The following FBXO15 variants were observed in gnomAD, a reference collection of about 807,000 sequenced individuals.
FBXO15 encodes the protein F-box protein 15.
A neutral mutation model predicts 49.5 loss-of-function variants in FBXO15; 30 were observed. The observed-to-expected ratio is 0.61, with a 90% CI of 0.45 to 0.82. The LOEUF is 0.82. Among genes scored for constraint, FBXO15 ranks in the 40% least tolerant of loss-of-function variants. The pLI is 0.00. For missense variants in FBXO15, 591 were observed against 631.5 expected (o/e 0.94, Z 0.69); for synonymous variants, 250 against 232.7 (o/e 1.07, Z -0.68).
At position 74,147,727 on chromosome 18, in the gene FBXO15, C is replaced by G. The variant is rs1979543267; in HGVS notation, c.59G>C (p.Arg20Pro). The G allele has an allele frequency of 6.5e-7, 1 of 1,535,164 alleles. No individual in the cohort carries two copies. The highest frequency in any genetic ancestry group is 2.5e-5 in the East Asian group (1 of 39,884). Residue 20 changes from arginine to proline, a missense_variant, in exon 1 of 10, where the codon CGC becomes CCC. By Grantham distance (103) the Arg-to-Pro change is moderately radical. Transcript: ENST00000419743. Reference sequence around the variant, plus strand: ...CGCGCCACCGCCCCTGCTGGGCCCGCGCAGCGTCTGGAGGCCGAGCCAGTG... The same window carrying G: ...CGCGCCACCGCCCCTGCTGGGCCCGGGCAGCGTCTGGAGGCCGAGCCAGTG... ...QQHWLGLQTLRGPSRGGGAAR... is the reference protein window; with the variant it reads ...QQHWLGLQTLPGPSRGGGAAR...
intron 8 of FBXO15, among the ~76,000 whole-genome samples, chr18:74,104,864 C>T (rs1373195358): frequency 6.6e-6 from 1 of 152,096 alleles, no homozygotes; most frequent in Non-Finnish European, 1.5e-5. Context: ...TGCACCATCC[C>T]ATGTCTACTG....
At chr18:74,114,500 T>C (rs1914148907) in intron 8 of FBXO15, among the ~76,000 whole-genome samples, 1 of 148,266 alleles carries the variant, frequency 6.7e-6, no homozygotes, top group African/African-American at 2.4e-5. Context: ...TGTCATCTAT[T>C]TACATTTCCA....
chr18:74,121,447 CAT>C (rs2145185302), intron 8 of FBXO15, among the ~76,000 whole-genome samples: 1 of 152,254 alleles, frequency 6.6e-6, no homozygotes, highest in African/African-American at 2.4e-5. Flanking sequence ...TCCTCAAAGA[CAT>C]AAAAGTATTT....
chr18:74,145,770 T>C (rs772523347), intron 1 of FBXO15, among the ~76,000 whole-genome samples: 7 of 152,010 alleles, frequency 4.6e-5, no homozygotes, highest in Admixed American at 6.5e-5. Flanking sequence ...GCTAATTTTT[T>C]TGTATTTTTA....
At chr18:74,140,030 T>C (rs975954712) in intron 2 of FBXO15, among the ~76,000 whole-genome samples, 172 bp downstream of exon 2, 3 of 152,236 alleles carry the variant, frequency 2.0e-5, no homozygotes, top group Non-Finnish European at 4.4e-5. Context: ...CTCATAAGGA[T>C]AGTGGTGACA....
In FBXO15 at chr18:74,080,125, T is replaced by TA. The variant is rs201061361; in HGVS notation, c.1263+1801dup. On this transcript the variant is annotated intron_variant, in intron 9 of 9. Coordinates refer to ENST00000419743, the MANE Select transcript of FBXO15 (RefSeq NM_001142958.2). ...ACTTTCTAAGCTTATGTCCATGCTT[T>TA]AAAAAAAAAGTTTTTAACTCCTTCC... is the stretch of plus-strand genomic sequence containing the variant. Among the ~76,000 whole-genome samples the TA allele has an allele frequency of 4.2e-4, 64 of 151,780 alleles. 1 individual carries two copies. The East Asian group carries it at 9.1e-3, about 22-fold the overall frequency.
intron 8 of FBXO15, among the ~76,000 whole-genome samples, chr18:74,102,968 G>C (rs1211490254): frequency 5.9e-5 from 9 of 152,078 alleles, no homozygotes. Flanking sequence ...GGTGGGAAGT[G>C]GGTGAGGGAT....
chr18:74,087,803 A>G (rs1175697698), intron 8 of FBXO15, among the ~76,000 whole-genome samples: 1 of 152,174 alleles, frequency 6.6e-6, no homozygotes, highest in African/African-American at 2.4e-5. Flanking sequence ...GCTTTCCACA[A>G]TGGCTGAACT....
Position 74,130,535 on chromosome 18 carries a change from AC to A in FBXO15, c.455del (p.Gly152ValfsTer12). 6.2e-7 allele frequency: 1 copy of A among 1,614,134 alleles called. No homozygotes were observed. Among genetic ancestry groups the A allele is most frequent in the South Asian group, 1.1e-5 (1 of 91,074 alleles). ...SFLSVQDKEA[G>X]YWKKEYITKQ... Reference sequence around the variant, plus strand: ...TTGTGATATATTCTTTCTTCCAATAACCAGCTTCTTTATCCTGAACTGACAG... The same window carrying A: ...TTGTGATATATTCTTTCTTCCAATAACAGCTTCTTTATCCTGAACTGACAG... On this transcript the variant is annotated frameshift_variant, in exon 4 of 10. Transcript: ENST00000419743. LOFTEE classifies it high-confidence loss of function.
rs1184829188 is a variant in FBXO15 at position 74,073,440 on chromosome 18, A to G, written c.*21T>C. ...GTCAAAAATAAACAACTAAATAACA[A>G]CAATAATTTGCCACCTACTGCTAAT... is the stretch of plus-strand genomic sequence containing the variant. On this transcript the variant is annotated 3_prime_UTR_variant, in exon 10 of 10. Coordinates refer to ENST00000419743, the MANE Select transcript of FBXO15 (RefSeq NM_001142958.2). 1.2e-6 allele frequency: 2 copies of G among 1,601,102 alleles called. No homozygotes were observed. The highest frequency in any genetic ancestry group is 1.7e-6 in the Non-Finnish European group (2 of 1,173,658).
rs140051615 is a variant in FBXO15 at position 74,093,030 on chromosome 18, C to G, written c.1139-10979G>C. 2.4e-3 allele frequency among the ~76,000 whole-genome samples: 361 copies of G among 152,280 alleles called. 2 individuals are homozygous for G. The highest frequency in any genetic ancestry group is 6.8e-3 in the Middle Eastern group (2 of 292). ...GGGCAGGGTGCTGGCAGGCGCAGAG[C>G]TGGCAACCTCCATGCATGTGTTCAT... On this transcript the variant is annotated intron_variant, in intron 8 of 9. Coordinates refer to ENST00000419743, the MANE Select transcript of FBXO15 (RefSeq NM_001142958.2).
intron 8 of FBXO15, among the ~76,000 whole-genome samples, chr18:74,087,709 T>C (rs187499654): frequency 5.3e-5 from 8 of 152,342 alleles, no homozygotes; most frequent in Admixed American, 2.6e-4. Flanking sequence ...GAATAACTTA[T>C]AGTCCTTTGG....
intron 1 of FBXO15, among the ~76,000 whole-genome samples, chr18:74,144,495 A>G (rs1210736719): frequency 6.6e-6 from 1 of 152,190 alleles, no homozygotes; most frequent in South Asian, 2.1e-4. Flanking sequence ...AGACTGGAGC[A>G]GTGGTTCTCA....
chr18:74,126,849 C>A (rs914077230), intron 5 of FBXO15, among the ~76,000 whole-genome samples: 5 of 152,264 alleles, frequency 3.3e-5, no homozygotes, highest in Non-Finnish European at 7.3e-5. Flanking sequence ...ACCAGATCCG[C>A]AGCTGCCACA....
chr18:74,098,814 A>G (rs1221806259), intron 8 of FBXO15: 1 of 152,260 alleles, frequency 6.6e-6, no homozygotes, highest in Non-Finnish European at 1.5e-5. Context: ...GCACACTGTC[A>G]TCAGGTTATC....
intron 7 of FBXO15, 35 bp from the exon 8 acceptor site, chr18:74,123,545 T>C (rs1359703849): frequency 1.3e-6 from 2 of 1,577,754 alleles, no homozygotes; most frequent in Non-Finnish European, 1.7e-6. Flanking sequence ...TACAAATTTG[T>C]CAACACCAGG....
intron 8 of FBXO15, among the ~76,000 whole-genome samples, chr18:74,118,010 T>TC (rs537332885): frequency 1.0e-5 from 1 of 95,278 alleles, no homozygotes; most frequent in Non-Finnish European, 2.1e-5. Flanking sequence ...TACATATTTC[T>TC]TTTTTTTTTT....
At chr18:74,134,513 C>T (rs895493502) in intron 3 of FBXO15, among the ~76,000 whole-genome samples, 3 of 151,512 alleles carry the variant, frequency 2.0e-5, no homozygotes, top group Non-Finnish European at 4.4e-5. Flanking sequence ...GGACTACAGG[C>T]GCCTGCCACC....
intron 8 of FBXO15, among the ~76,000 whole-genome samples, chr18:74,103,734 A>G (rs1347885208): frequency 6.6e-6 from 1 of 152,170 alleles, no homozygotes; most frequent in Non-Finnish European, 1.5e-5. Context: ...AAGTGCTGAA[A>G]GAAAAAGAAA....
Sources: allele counts gnomAD v4.1 joint callset (sites outside exome capture counted in the v4.1 genomes callset), GRCh38; gene constraint gnomAD v4.1.1; transcripts MANE v1.5; gene names NCBI Gene and HGNC (gene_info 2026-07-23, HGNC 2026-07-21).